Variants in WDR49 observed in about 807,000 individuals in gnomAD.
The protein encoded by WDR49 is WD repeat domain 49.
WDR49 carries 107 observed loss-of-function variants against 119.5 expected under a neutral mutation model. That is an observed-to-expected ratio of 0.90 (90% CI 0.77 to 1.05). The LOEUF is 1.05. Ranked by LOEUF, WDR49 falls within the 50% of genes least tolerant of loss-of-function variation. WDR49 has a pLI of 0.00. For missense variants in WDR49, 1,240 were observed against 1,220.5 expected, an observed-to-expected ratio of 1.02 and a Z score of -0.24; for synonymous variants, 425 against 418.8, an observed-to-expected ratio of 1.01 and a Z score of -0.18.
intron 8 of WDR49, among the ~76,000 whole-genome samples, chr3:167,570,834 G>A (rs148434862): frequency 0.016 from 2,480 of 152,188 alleles, 71 homozygotes; most frequent in East Asian, 0.13. Flanking sequence ...TCAGGAGTTC[G>A]AGACCAGCCT....
At chr3:167,528,045 A>G in intron 14 of WDR49, 28 bp from the exon 15 acceptor site, 1 of 1,575,492 alleles carries the variant, frequency 6.3e-7, no homozygotes, top group Middle Eastern at 1.7e-4. Flanking sequence ...CCAGAACTCT[A>G]AAAAATTCAA....
At chr3:167,510,968 C>G (rs780519948) in intron 16 of WDR49, among the ~76,000 whole-genome samples, 3 of 151,030 alleles carry the variant, frequency 2.0e-5, no homozygotes, top group Non-Finnish European at 2.9e-5. Flanking sequence ...TGAGAGCTAG[C>G]ATGATTCTTT....
At position 167,565,412 on chromosome 3, in the gene WDR49, C is replaced by CACACACAT. The variant is rs144511770; in HGVS notation, c.1510-5185_1510-5184insATGTGTGT. Among the ~76,000 whole-genome samples, 1,168 of 146,952 alleles carry CACACACAT rather than the reference C, an allele frequency of 7.9e-3. 28 individuals carry two copies. The highest frequency in any genetic ancestry group is 0.015 in the African/African-American group (608 of 39,492). On this transcript the variant is annotated intron_variant, in intron 8 of 18. Transcript: ENST00000682715. ...ACACACACACACACACACACACACACTTATATGTAAAATGCATGTGTATAT... is the reference window on the plus strand; with the variant it reads ...ACACACACACACACACACACACACACACACACATTTATATGTAAAATGCATGTGTATAT...
At chr3:167,634,422 A>G (rs1223426062) in intron 2 of WDR49, among the ~76,000 whole-genome samples, 4 of 151,944 alleles carry the variant, frequency 2.6e-5, no homozygotes, top group Non-Finnish European at 4.4e-5. Context: ...CAGTATGTCC[A>G]GCTGATTATA....
intron 15 of WDR49, among the ~76,000 whole-genome samples, chr3:167,525,682 G>C (rs1308407683): frequency 6.6e-6 from 1 of 151,962 alleles, no homozygotes; most frequent in Non-Finnish European, 1.5e-5. Flanking sequence ...TGTCAGCTTC[G>C]TGGGATAAAC....
At chr3:167,537,101 A>G (rs1399413190) in intron 10 of WDR49, 101 bp from the exon 11 acceptor site, 1 of 1,219,592 alleles carries the variant, frequency 8.2e-7, no homozygotes, top group Admixed American at 3.2e-5. Context: ...CTTTTAAAAG[A>G]CTATGCTGCC....
At chr3:167,573,670 T>C (rs1714070142) in intron 8 of WDR49, among the ~76,000 whole-genome samples, 1 of 152,126 alleles carries the variant, frequency 6.6e-6, no homozygotes, top group African/African-American at 2.4e-5. Flanking sequence ...ACCTCCCAGA[T>C]TCCCTGAGAG....
At chr3:167,585,408 G>GTA (rs1714760229) in intron 7 of WDR49, among the ~76,000 whole-genome samples, 1 of 151,426 alleles carries the variant, frequency 6.6e-6, no homozygotes, top group African/African-American at 2.4e-5. Context: ...GTGTGTGTGT[G>GTA]TGTGTGTGTG....
chr3:167,573,207 T>C (rs1714035992), intron 8 of WDR49, among the ~76,000 whole-genome samples: 1 of 152,026 alleles, frequency 6.6e-6, no homozygotes, highest in South Asian at 2.1e-4. Flanking sequence ...CCCATTACTA[T>C]TCCTACACCC....
chr3:167,508,916 A>G (rs1415046426), intron 16 of WDR49, among the ~76,000 whole-genome samples: 2 of 152,174 alleles, frequency 1.3e-5, no homozygotes, highest in African/African-American at 4.8e-5. Flanking sequence ...TTCTCACATG[A>G]AATCTACTGA....
At chr3:167,620,307 C>A in intron 5 of WDR49, 122 bp downstream of exon 5, 1 of 1,029,894 alleles carries the variant, frequency 9.7e-7, no homozygotes, top group Non-Finnish European at 1.3e-6. Context: ...AGGCCACAAC[C>A]TCCAGAGAAC....
At chr3:167,552,398 A>C (rs1214888961) in intron 10 of WDR49, among the ~76,000 whole-genome samples, 2 of 152,068 alleles carry the variant, frequency 1.3e-5, no homozygotes, top group African/African-American at 4.8e-5. Context: ...TATGCTCTGA[A>C]TTATACTAAT....
chr3:167,524,789 T>C (rs1300734219), intron 15 of WDR49, among the ~76,000 whole-genome samples: 1 of 152,152 alleles, frequency 6.6e-6, no homozygotes, highest in African/African-American at 2.4e-5. Flanking sequence ...ACCAGTACCA[T>C]GCTGTTTTGG....
intron 15 of WDR49, 142 bp downstream of exon 15, chr3:167,527,678 T>C: frequency 4.8e-6 from 4 of 829,984 alleles, no homozygotes; most frequent in South Asian, 3.7e-5. Context: ...AAGAGTCGCC[T>C]GGAGCTACTG....
chr3:167,562,163 A>T (rs1713304523), intron 8 of WDR49, among the ~76,000 whole-genome samples: 1 of 152,170 alleles, frequency 6.6e-6, no homozygotes, highest in East Asian at 1.9e-4. Context: ...CCAAAAGGCT[A>T]AAAACATTAT....
intron 8 of WDR49, among the ~76,000 whole-genome samples, chr3:167,565,770 A>G (rs1339492208): frequency 1.3e-5 from 2 of 152,204 alleles, no homozygotes; most frequent in East Asian, 3.8e-4. Context: ...GCCTGCGGTC[A>G]GTGCACAGAG....
chr3:167,602,256 A>G lies in WDR49; in HGVS notation c.1146T>C (p.Asn382=). 1.3e-6 allele frequency: 2 copies of G among 1,588,002 alleles called. No individual in the cohort carries two copies. The highest frequency in any genetic ancestry group is 2.7e-5 in the African/African-American group (2 of 74,632). Residue 382 remains asparagine, a synonymous_variant, in exon 7 of 19, where the codon AAT becomes AAC. Transcript: ENST00000682715. ...LNLIATAGIN[N]KVCLWNPYVV... ...CATAGGGATTCCAAAGGCAAACTTT[A>G]TTGTTAATGCCAGCAGTTGCTAATC...
intron 7 of WDR49, among the ~76,000 whole-genome samples, chr3:167,600,252 G>A: frequency 6.6e-6 from 1 of 152,118 alleles, no homozygotes; most frequent in East Asian, 1.9e-4. Context: ...CCTGGCTGGT[G>A]TCTCAGTAAG....
chr3:167,604,652 A>G (rs904456151), intron 5 of WDR49, among the ~76,000 whole-genome samples, 184 bp from the exon 6 acceptor site: 1 of 152,178 alleles, frequency 6.6e-6, no homozygotes, highest in African/African-American at 2.4e-5. Flanking sequence ...TCCATTGAGA[A>G]GTTACAGGAA....
Sources: allele counts gnomAD v4.1 joint callset (sites outside exome capture counted in the v4.1 genomes callset), GRCh38; gene constraint gnomAD v4.1.1; transcripts MANE v1.5; gene names NCBI Gene and HGNC (gene_info 2026-07-23, HGNC 2026-07-21).